Variants in MACROD2 observed in about 807,000 individuals in gnomAD.
MACROD2 encodes the protein mono-ADP ribosylhydrolase 2, also known as ADP-ribose glycohydrolase MACROD2.
A neutral mutation model predicts 70.4 loss-of-function variants in MACROD2; 36 were observed. The observed-to-expected ratio is 0.51, with a 90% CI of 0.39 to 0.68. The LOEUF (loss-of-function observed/expected upper bound fraction) is 0.68, where lower values mean the gene tolerates loss of function less well. MACROD2 is among the 30% of genes least tolerant of loss of function. The probability of loss-of-function intolerance (pLI) is 0.00; values close to 1 mark genes in which losing one functional copy is unlikely to be tolerated. For synonymous variants in MACROD2, 172 were observed against 178.8 expected (o/e 0.96, Z 0.30); for missense variants, 496 against 538.4 (o/e 0.92, Z 0.78).
intron 8 of MACROD2, among the ~76,000 whole-genome samples, chr20:15,816,821 G>A (rs1333018069): frequency 1.3e-5 from 2 of 152,158 alleles, no homozygotes; most frequent in Admixed American, 6.5e-5. Flanking sequence ...TGGAGAAAGA[G>A]GACTTTAACC....
intron 13 of MACROD2, among the ~76,000 whole-genome samples, chr20:15,984,012 T>C (rs1467065891): frequency 1.3e-5 from 2 of 152,178 alleles, no homozygotes; most frequent in African/African-American, 4.8e-5. Context: ...TAAATTTTAC[T>C]TTTATATTAG....
At position 14,095,558 on chromosome 20, in the gene MACROD2, C is replaced by G. The variant is rs1033284758; in HGVS notation, c.271+9830C>G. Among the ~76,000 whole-genome samples, 4 of 152,192 alleles carry G rather than the reference C, an allele frequency of 2.6e-5. No individual in the cohort carries two copies. The East Asian group carries it at 5.8e-4, about 22-fold the overall frequency. On this transcript the variant is annotated intron_variant, in intron 3 of 17. Coordinates refer to ENST00000684519, the MANE Select transcript of MACROD2 (RefSeq NM_001351661.2). Reference sequence around the variant, plus strand: ...AGTAAGTAGATCTAGAGCTTGTGTTCCTAGCATCTTTCCTGTTGAATTCTT... The same window carrying G: ...AGTAAGTAGATCTAGAGCTTGTGTTGCTAGCATCTTTCCTGTTGAATTCTT...
At chr20:15,384,060 T>C (rs1224435820) in intron 6 of MACROD2, among the ~76,000 whole-genome samples, 2 of 152,108 alleles carry the variant, frequency 1.3e-5, no homozygotes, top group African/African-American at 4.8e-5. Context: ...AATTTCATGC[T>C]TTTAGTCACA....
chr20:15,514,904 G>A (rs531897877), intron 8 of MACROD2, among the ~76,000 whole-genome samples: 2 of 152,246 alleles, frequency 1.3e-5, no homozygotes, highest in African/African-American at 4.8e-5. Context: ...AATGATAAAA[G>A]TAAACTACCG....
intron 5 of MACROD2, among the ~76,000 whole-genome samples, chr20:14,969,715 T>G (rs888932555): frequency 1.3e-5 from 2 of 152,186 alleles, no homozygotes; most frequent in African/African-American, 4.8e-5. Flanking sequence ...TCTACACCTT[T>G]TATTTTTGAA....
rs1320888738 is a variant in MACROD2 at position 15,401,112 on chromosome 20, A to C, written c.541-30293A>C. Among the ~76,000 whole-genome samples, 4 of 150,628 alleles carry C rather than the reference A, an allele frequency of 2.7e-5. No individual in the cohort carries two copies. The East Asian group carries it at 7.8e-4, about 29-fold the overall frequency. On this transcript the variant is annotated intron_variant, in intron 6 of 17. Coordinates refer to ENST00000684519, the MANE Select transcript of MACROD2 (RefSeq NM_001351661.2). ...GAGTGCAGTGGCGCCATCTCAGCTC[A>C]CTGCAAGCTCCGCCTCCCAGGTTCA... is the stretch of plus-strand genomic sequence containing the variant.
intron 3 of MACROD2, among the ~76,000 whole-genome samples, chr20:14,120,682 A>ATT (rs1055220927): frequency 1.3e-5 from 2 of 150,906 alleles, no homozygotes; most frequent in African/African-American, 4.9e-5. Context: ...TATCACATGT[A>ATT]TTATATATAT....
At chr20:14,450,180 A>T (rs910564671) in intron 3 of MACROD2, among the ~76,000 whole-genome samples, 2 of 152,152 alleles carry the variant, frequency 1.3e-5, no homozygotes, top group Admixed American at 1.3e-4. Context: ...GCTATTATTA[A>T]TACAATGACA....
intron 8 of MACROD2, among the ~76,000 whole-genome samples, chr20:15,670,299 G>T (rs1021268185): frequency 6.6e-6 from 1 of 152,160 alleles, no homozygotes; most frequent in African/African-American, 2.4e-5. Context: ...GCACGACATT[G>T]TCCCCGACTA....
At chr20:15,899,989 A>G (rs892918423) in intron 10 of MACROD2, among the ~76,000 whole-genome samples, 1 of 152,138 alleles carries the variant, frequency 6.6e-6, no homozygotes, top group Admixed American at 6.5e-5. Flanking sequence ...ATTTCCCGAG[A>G]GGCAGAATTT....
rs146838340 is a variant in MACROD2 at position 14,063,013 on chromosome 20, A to G, written c.164-22608A>G. Among the ~76,000 whole-genome samples, 672 of 152,308 alleles carry G rather than the reference A, an allele frequency of 4.4e-3. 4 individuals carry two copies. Among genetic ancestry groups the G allele is most frequent in the African/African-American group, 0.015 (639 of 41,584 alleles). ...CTGTACGATCTTGCAGTCTGCTTCA[A>G]AAGCCTGTGTGTGACTCAGTCATTC... On this transcript the variant is annotated intron_variant, in intron 2 of 17. Coordinates refer to ENST00000684519, the MANE Select transcript of MACROD2 (RefSeq NM_001351661.2).
intron 6 of MACROD2, among the ~76,000 whole-genome samples, chr20:15,298,039 T>TG (rs1311045179): frequency 6.6e-6 from 1 of 152,200 alleles, no homozygotes; most frequent in East Asian, 1.9e-4. Flanking sequence ...TCATGACAAG[T>TG]GGGGGCCAGA....
intron 5 of MACROD2, among the ~76,000 whole-genome samples, chr20:14,788,580 C>CGA (rs1491231900): frequency 0.014 from 1,033 of 73,286 alleles, 24 homozygotes; most frequent in African/African-American, 0.055. Context: ...GATCACATCT[C>CGA]AAAAAAAAAA....
chr20:14,568,803 T>C (rs1979979511), intron 4 of MACROD2, among the ~76,000 whole-genome samples: 1 of 151,950 alleles, frequency 6.6e-6, no homozygotes, highest in African/African-American at 2.4e-5. Flanking sequence ...TTTTTCTACG[T>C]GAGCGACTTT....
At chr20:14,225,470 A>G (rs1001557449) in intron 3 of MACROD2, among the ~76,000 whole-genome samples, 11 of 152,216 alleles carry the variant, frequency 7.2e-5, no homozygotes, top group South Asian at 6.2e-4. Context: ...TTCATTTTCT[A>G]AAATGTACTT....
intron 5 of MACROD2, among the ~76,000 whole-genome samples, chr20:15,002,039 T>C (rs1199131750): frequency 6.6e-6 from 1 of 152,180 alleles, no homozygotes; most frequent in Non-Finnish European, 1.5e-5. Flanking sequence ...GCTGGTTTCA[T>C]ATTTTTGCAA....
intron 4 of MACROD2, among the ~76,000 whole-genome samples, chr20:14,522,157 G>A (rs2085175566): frequency 6.6e-6 from 1 of 152,104 alleles, no homozygotes; most frequent in Non-Finnish European, 1.5e-5. Context: ...GTGAAATGGT[G>A]TTAAATATAA....
At chr20:14,031,555 T>C (rs1436830636) in intron 2 of MACROD2, among the ~76,000 whole-genome samples, 2 of 152,162 alleles carry the variant, frequency 1.3e-5, no homozygotes, top group Non-Finnish European at 2.9e-5. Flanking sequence ...ATTTTTTTCC[T>C]GGACATTGAT....
At chr20:14,547,349 T>C in intron 4 of MACROD2, 2 of 233,320 alleles carry the variant, frequency 8.6e-6, no homozygotes, top group Admixed American at 8.3e-5. Flanking sequence ...ATCATACAGA[T>C]CACATACTCC....
Sources: gnomAD v4.1 joint callset for allele counts (sites outside exome capture counted in the v4.1 genomes callset) on GRCh38, gnomAD v4.1.1 for gene constraint, MANE v1.5 for transcripts, NCBI Gene and HGNC (gene_info 2026-07-23, HGNC 2026-07-21) for gene names.